Variants in TMEM167B observed in about 807,000 individuals in gnomAD.
TMEM167B encodes protein kish-B.
TMEM167B carries 2 observed loss-of-function variants against 9.4 expected under a neutral mutation model. That is an observed-to-expected ratio of 0.21 (90% CI 0.09 to 0.67). TMEM167B has a LOEUF of 0.67. TMEM167B is among the 30% of genes least tolerant of loss of function. The probability of loss-of-function intolerance (pLI) is 0.82; values close to 1 mark genes in which losing one functional copy is unlikely to be tolerated. For missense variants in TMEM167B, 68 were observed against 87.6 expected (o/e 0.78, Z 0.89); for synonymous variants, 28 against 32.0 (o/e 0.87, Z 0.42).
rs775558805 is a variant in TMEM167B, at chr1:109,096,784, A to C, written c.*2285A>C. 2.6e-5 allele frequency: 4 copies of C among 152,232 alleles called. No homozygotes were observed. The highest frequency in any genetic ancestry group is 2.0e-4 in the Admixed American group (3 of 15,280). The allele number at this position is 152,232 out of a possible 1,614,324, so 9.4% of individuals were successfully genotyped here. ...ATCTTTTACAGGTGGAGGAATGGGG[A>C]TAGCAGTATTGCCTCAGATTCAAAC... On this transcript the variant is annotated 3_prime_UTR_variant, in exon 3 of 3. Transcript: ENST00000338272.
Position 109,095,296 on chromosome 1 carries a change from T to C in TMEM167B, c.*797T>C, listed in dbSNP as rs1664542102. 1 of 152,220 alleles carries C rather than the reference T, an allele frequency of 6.6e-6. No individual in the cohort carries two copies. The allele number at this position is 152,220 out of a possible 1,614,324, so 9.4% of individuals were successfully genotyped here. On this transcript the variant is annotated 3_prime_UTR_variant, in exon 3 of 3. Transcript: ENST00000338272. ...AACTATTGCTATTTCGTAAAACCTT[T>C]TTATATTTTCTAAATTTACTTAGTG...
chr1:109,093,093 C>T, intron 2 of TMEM167B, 72 bp downstream of exon 2: 1 of 1,571,962 alleles, frequency 6.4e-7, no homozygotes, highest in East Asian at 2.3e-5. Flanking sequence ...GTAGGGAGTA[C>T]AGTGAGCTGG....
Position 109,094,766 on chromosome 1 carries a change from C to A in TMEM167B, c.*267C>A. On this transcript the variant is annotated 3_prime_UTR_variant, in exon 3 of 3. Coordinates refer to ENST00000338272, the MANE Select transcript of TMEM167B (RefSeq NM_020141.4). ...ATATAATGTCCGGATAAATTACACC[C>A]CTCGGTGATAAGATTACATACCTCC... 1 of 415,292 alleles carries A rather than the reference C, an allele frequency of 2.4e-6. No individual in the cohort carries two copies. The highest frequency in any genetic ancestry group is 4.3e-6 in the Non-Finnish European group (1 of 231,418). The allele number at this position is 415,292 out of a possible 1,614,324, so 25.7% of individuals were successfully genotyped here. A position where few individuals can be genotyped will look rare whatever the true frequency, so the allele number is the denominator to read the frequency against.
At chr1:109,093,446 GGA>G (rs1211361492) in intron 2 of TMEM167B, 1 of 159,460 alleles carries the variant, frequency 6.3e-6, no homozygotes, top group African/African-American at 2.4e-5. Flanking sequence ...GAGCCATGGT[GGA>G]GCCACTGCAC....
At position 109,094,612 on chromosome 1, in the gene TMEM167B, T is replaced by G; in HGVS notation, c.*113T>G. The G allele has an allele frequency of 1.0e-6, 1 of 956,896 alleles. No homozygotes were observed. Among genetic ancestry groups the G allele is most frequent in the Non-Finnish European group, 1.7e-6 (1 of 605,144 alleles). 59.3% of individuals were successfully genotyped at this position (956,896 alleles called of 1,614,324 possible). On this transcript the variant is annotated 3_prime_UTR_variant, in exon 3 of 3. Transcript: ENST00000338272. Reference sequence around the variant, plus strand: ...CAGCTGAAATCATCGGTCCCCAGGATGACACCACAGCATCTGCCCCTGCTA... The same window carrying G: ...CAGCTGAAATCATCGGTCCCCAGGAGGACACCACAGCATCTGCCCCTGCTA...
chr1:109,090,848 C>T lies in TMEM167B; in HGVS notation c.-25C>T. The T allele has an allele frequency of 6.3e-7, 1 of 1,585,790 alleles. No homozygotes were observed. ...GCTATTACCACTGAACCCGGACCCC[C>T]TACCCAGGTCCAGGGCCAGCCGCCA... On this transcript the variant is annotated 5_prime_UTR_variant, in exon 1 of 3. Transcript: ENST00000338272.
chr1:109,091,989 GAC>G (rs1276117616), intron 1 of TMEM167B, among the ~76,000 whole-genome samples: 1 of 152,200 alleles, frequency 6.6e-6, no homozygotes, highest in Non-Finnish European at 1.5e-5. Context: ...CAGGAAGTAA[GAC>G]AGCAGTTTGA....
chr1:109,093,736 G>A (rs1002136070), intron 2 of TMEM167B: 2 of 152,100 alleles, frequency 1.3e-5, no homozygotes, highest in Non-Finnish European at 2.9e-5. Context: ...TTTATTTGAG[G>A]CACATTCATT....
chr1:109,091,153 G>A (rs556507969), intron 1 of TMEM167B, among the ~76,000 whole-genome samples: 127 of 151,844 alleles, frequency 8.4e-4, no homozygotes, highest in Middle Eastern at 3.4e-3. Flanking sequence ...AGTTCTTTCT[G>A]GCCCTTGGAG....
intron 1 of TMEM167B, 26 bp downstream of exon 1, chr1:109,090,908 G>A (rs1455463226): frequency 1.9e-6 from 3 of 1,582,240 alleles, no homozygotes; most frequent in Middle Eastern, 1.7e-4. Flanking sequence ...CTGAGCGGAG[G>A]GTGGGAGTGA....
At chr1:109,090,957 A>G (rs1664434381) in intron 1 of TMEM167B, 75 bp downstream of exon 1, 4 of 1,512,928 alleles carry the variant, frequency 2.6e-6, no homozygotes, top group East Asian at 2.5e-5. Context: ...GCCGGGACTG[A>G]CGTGGCCGTT....
chr1:109,093,407 G>A, intron 2 of TMEM167B: 1 of 181,342 alleles, frequency 5.5e-6, no homozygotes, highest in Non-Finnish European at 1.2e-5. Context: ...TGGGAGGATT[G>A]CTTGAGCCTA....
rs1664525736 is a variant in TMEM167B at position 109,094,578 on chromosome 1, A to G, written c.*79A>G. Reference sequence around the variant, plus strand: ...CCTGTTGGAGACCTGAACCCAGTGTAGGAGAGTTCAGCTGAAATCATCGGT... The same window carrying G: ...CCTGTTGGAGACCTGAACCCAGTGTGGGAGAGTTCAGCTGAAATCATCGGT... On this transcript the variant is annotated 3_prime_UTR_variant, in exon 3 of 3. Transcript: ENST00000338272. 1.4e-6 allele frequency: 2 copies of G among 1,379,994 alleles called. No homozygotes were observed. Among genetic ancestry groups the G allele is most frequent in the Non-Finnish European group, 2.1e-6 (2 of 971,806 alleles). The allele number at this position is 1,379,994 out of a possible 1,614,324, so 85.5% of individuals were successfully genotyped here.
chr1:109,090,987 C>T, intron 1 of TMEM167B, 105 bp downstream of exon 1: 1 of 1,403,046 alleles, frequency 7.1e-7, no homozygotes, highest in South Asian at 1.4e-5. Context: ...CCCTCCCAGC[C>T]CGGCCCCCCT....
chr1:109,092,828 C>T (rs988035022), intron 1 of TMEM167B, 62 bp from the exon 2 acceptor site: 33 of 1,581,164 alleles, frequency 2.1e-5, no homozygotes, highest in African/African-American at 5.4e-5. Context: ...AGTTCTCAGG[C>T]GGGATCACAG....
rs1475636664 is a variant in TMEM167B, at chr1:109,092,999, T to C, written c.120T>C (p.Gly40=). 1.2e-6 allele frequency: 2 copies of C among 1,613,610 alleles called. No individual in the cohort carries two copies. The highest frequency in any genetic ancestry group is 1.7e-6 in the Non-Finnish European group (2 of 1,179,962). The change falls in exon 2 of 3, where the codon GGT becomes GGC. Residue 40 remains glycine (G), a synonymous_variant. Transcript: ENST00000338272. ...CCTGGCTGCTATCAGAGAAGAAGGG[T>C]GTTTGGGGTGTGTTTTACAAAGGTG... is the stretch of plus-strand genomic sequence containing the variant. ...LKTWLLSEKK[G]VWGVFYKAAV...
intron 1 of TMEM167B, among the ~76,000 whole-genome samples, chr1:109,092,014 TG>T (rs567342728): frequency 3.4e-4 from 52 of 152,218 alleles, no homozygotes; most frequent in Non-Finnish European, 5.7e-4. Context: ...CGGTAGTTGC[TG>T]AATAAATTTT....
chr1:109,094,387 G>T, intron 2 of TMEM167B, 30 bp from the exon 3 acceptor site: 1 of 1,611,192 alleles, frequency 6.2e-7, no homozygotes, highest in Non-Finnish European at 8.5e-7. Flanking sequence ...GAAGGGCAGG[G>T]TGTGATTTCT....
At chr1:109,094,315 G>A (rs576602951) in intron 2 of TMEM167B, 102 bp from the exon 3 acceptor site, 112 of 1,155,484 alleles carry the variant, frequency 9.7e-5, no homozygotes, top group Admixed American at 1.3e-4. Flanking sequence ...CCTTGAGAGC[G>A]TTGATATGTC....
Sources: gnomAD v4.1 joint callset for allele counts (sites outside exome capture counted in the v4.1 genomes callset) on GRCh38, gnomAD v4.1.1 for gene constraint, MANE v1.5 for transcripts, NCBI Gene and HGNC (gene_info 2026-07-23, HGNC 2026-07-21) for gene names.